The following DACH2 variants were observed in gnomAD, a reference collection of about 807,000 sequenced individuals.
DACH2 encodes the protein dachshund family transcription factor 2, also known as dachshund homolog 2.
A neutral mutation model predicts 35.8 loss-of-function variants in DACH2; 17 were observed. The ratio of observed to expected loss-of-function variants is 0.48; its 90% CI spans 0.33 to 0.71. The LOEUF (loss-of-function observed/expected upper bound fraction) is 0.71, where lower values mean the gene tolerates loss of function less well. Ranked by LOEUF, DACH2 falls within the 30% of genes least tolerant of loss-of-function variation. The pLI, the probability that DACH2 is intolerant of heterozygous loss-of-function variation, is 0.02. For synonymous variants in DACH2, 195 were observed against 177.3 expected (o/e 1.10, Z -0.79); for missense variants, 469 against 472.7 (o/e 0.99, Z 0.07).
At chrX:86,504,768 A>C (rs779509118) in intron 2 of DACH2, among the ~76,000 whole-genome samples, 2 of 111,284 alleles carry the variant, frequency 1.8e-5, no homozygotes, top group African/African-American at 6.5e-5. Context: ...ATTATGATTT[A>C]CTTCTCTATT....
chrX:86,483,040 A>T (rs1426852984), intron 2 of DACH2, among the ~76,000 whole-genome samples: 1 of 107,854 alleles, frequency 9.3e-6, no homozygotes, highest in African/African-American at 3.4e-5. Flanking sequence ...CTAATGCTAG[A>T]TGACGAGTTA....
intron 7 of DACH2, among the ~76,000 whole-genome samples, chrX:86,740,713 A>G (rs2041646263): frequency 9.1e-6 from 1 of 109,935 alleles, no homozygotes; most frequent in Non-Finnish European, 1.9e-5. Context: ...CATCTTGTGT[A>G]TGCCACTTAA....
chrX:86,344,323 CAT>C (rs761609271), intron 1 of DACH2, among the ~76,000 whole-genome samples: 65 of 90,090 alleles, frequency 7.2e-4, no homozygotes, highest in Middle Eastern at 5.5e-3. Context: ...CTTGGAAGTG[CAT>C]ATATATATAT....
intron 11 of DACH2, among the ~76,000 whole-genome samples, chrX:86,817,078 C>A (rs958968713): frequency 9.0e-6 from 1 of 111,428 alleles, no homozygotes. Context: ...AGTTGTTTTA[C>A]ATGTAGTTTT....
intron 2 of DACH2, among the ~76,000 whole-genome samples, chrX:86,401,207 C>T: frequency 8.9e-6 from 1 of 112,445 alleles, no homozygotes; most frequent in Non-Finnish European, 1.9e-5. Context: ...CCTGGTGTGC[C>T]ATTTGTTAAG....
chrX:86,317,564 C>G lies in DACH2; in HGVS notation c.489-59260C>G, dbSNP rs187484153. ...TTAAAAGATAATTTTTCTCTTTAGT[C>G]CTCAATTTTGTTAAAAACAACTTAT... On this transcript the variant is annotated intron_variant, in intron 1 of 11. Transcript: ENST00000373125. 2.5e-4 allele frequency among the ~76,000 whole-genome samples: 28 copies of G among 112,050 alleles called. No individual in the cohort carries two copies. The East Asian group carries it at 4.5e-3, about 18-fold the overall frequency.
intron 3 of DACH2, among the ~76,000 whole-genome samples, chrX:86,628,180 T>C (rs1307094421): frequency 1.8e-5 from 2 of 112,378 alleles, no homozygotes; most frequent in African/African-American, 6.5e-5. Context: ...ATAAGAATAA[T>C]ACATTTCTAG....
chrX:86,380,610 A>T (rs749279351), intron 2 of DACH2, among the ~76,000 whole-genome samples: 8 of 110,380 alleles, frequency 7.2e-5, no homozygotes, highest in South Asian at 7.5e-4. Context: ...ATTTTGCTAC[A>T]CTTAATCCAC....
Position 86,357,348 on chromosome X carries a change from A to G in DACH2, c.489-19476A>G, listed in dbSNP as rs772848842. Among the ~76,000 whole-genome samples the G allele has an allele frequency of 2.7e-5, 3 of 112,351 alleles. No homozygotes were observed. The South Asian group carries it at 1.1e-3, about 41-fold the overall frequency. On this transcript the variant is annotated intron_variant, in intron 1 of 11. Transcript: ENST00000373125. Reference sequence around the variant, plus strand: ...TACATAGGATTACAAATATCTTGACACTTAGTTCTGTGTTTTAGTTTTAGG... The same window carrying G: ...TACATAGGATTACAAATATCTTGACGCTTAGTTCTGTGTTTTAGTTTTAGG...
At chrX:86,631,447 A>G (rs1369302575) in intron 3 of DACH2, among the ~76,000 whole-genome samples, 1 of 112,254 alleles carries the variant, frequency 8.9e-6, no homozygotes, top group Non-Finnish European at 1.9e-5. Context: ...ATCATATATG[A>G]CCCAAAGCAG....
chrX:86,327,238 C>A (rs1230679930), intron 1 of DACH2, among the ~76,000 whole-genome samples: 1 of 111,721 alleles, frequency 9.0e-6, no homozygotes, highest in East Asian at 2.8e-4. Flanking sequence ...AAATATTGGG[C>A]ACTTTAGAAA....
At chrX:86,709,747 T>A (rs1312529134) in intron 5 of DACH2, among the ~76,000 whole-genome samples, 1 of 111,959 alleles carries the variant, frequency 8.9e-6, no homozygotes, top group Non-Finnish European at 1.9e-5. Context: ...TAAACAGACA[T>A]CTCATTAATT....
intron 3 of DACH2, among the ~76,000 whole-genome samples, chrX:86,601,258 T>C (rs2039785732): frequency 9.0e-6 from 1 of 111,607 alleles, no homozygotes; most frequent in African/African-American, 3.3e-5. Flanking sequence ...AAAGTTTCTA[T>C]TGGGGCAGAT....
At position 86,436,607 on chromosome X, in the gene DACH2, T is replaced by G. The variant is rs952900067; in HGVS notation, c.527+59745T>G. ...TGACAGATTTGGACTGTGGTTTTTT[T>G]CTTGCAATGTCTTTAGTTTTGGTAT... On this transcript the variant is annotated intron_variant, in intron 2 of 11. Coordinates refer to ENST00000373125, the MANE Select transcript of DACH2 (RefSeq NM_053281.3). Among the ~76,000 whole-genome samples, 5 of 111,340 alleles carry G rather than the reference T, an allele frequency of 4.5e-5. No homozygotes were observed. In the East Asian group the frequency reaches 1.4e-3, roughly 32 times the overall value.
chrX:86,374,401 G>T (rs1208308166), intron 1 of DACH2, among the ~76,000 whole-genome samples: 3 of 110,836 alleles, frequency 2.7e-5, no homozygotes, highest in African/African-American at 9.8e-5. Context: ...GTCATAACTT[G>T]TGCATATGGG....
chrX:86,684,370 G>C (rs1281422086), intron 4 of DACH2, among the ~76,000 whole-genome samples: 2 of 111,617 alleles, frequency 1.8e-5, no homozygotes, highest in Non-Finnish European at 3.8e-5. Flanking sequence ...TATGTGGCCA[G>C]TCTTGCCCTC....
intron 2 of DACH2, among the ~76,000 whole-genome samples, chrX:86,451,526 G>A (rs2037377792): frequency 9.0e-6 from 1 of 111,480 alleles, no homozygotes; most frequent in Admixed American, 9.6e-5. Flanking sequence ...GTTTAGGATT[G>A]TCTGGGCTTT....
chrX:86,513,747 A>T (rs1218870061), intron 2 of DACH2, among the ~76,000 whole-genome samples: 2 of 111,944 alleles, frequency 1.8e-5, no homozygotes, highest in Non-Finnish European at 3.8e-5. Flanking sequence ...ACATAGGAAA[A>T]CAAAACCTAC....
chrX:86,637,284 A>G (rs768872504), intron 3 of DACH2, among the ~76,000 whole-genome samples: 4 of 101,795 alleles, frequency 3.9e-5, no homozygotes, highest in Non-Finnish European at 5.9e-5. Context: ...AGGAACACTT[A>G]TATACTGTTG....
Sources: allele counts gnomAD v4.1 joint callset (sites outside exome capture counted in the v4.1 genomes callset), GRCh38; gene constraint gnomAD v4.1.1; transcripts MANE v1.5; gene names NCBI Gene and HGNC (gene_info 2026-07-23, HGNC 2026-07-21).